SHANK2: variants seen among roughly 807,000 people sequenced by gnomAD.
SHANK2 encodes SH3 and multiple ankyrin repeat domains protein 2.
A neutral mutation model predicts 133.7 loss-of-function variants in SHANK2; 43 were observed. That is an observed-to-expected ratio of 0.32 (90% CI 0.25 to 0.41). The LOEUF (loss-of-function observed/expected upper bound fraction) is 0.41, where lower values mean the gene tolerates loss of function less well. SHANK2 is among the 10% of genes least tolerant of loss of function. The pLI, the probability that SHANK2 is intolerant of heterozygous loss-of-function variation, is 1.00. For missense variants in SHANK2, 1,994 were observed against 2,235.8 expected (o/e 0.89, Z 2.18); for synonymous variants, 1,017 against 952.8 (o/e 1.07, Z -1.24).
Position 70,569,080 on chromosome 11 carries a change from G to C in SHANK2, c.2062-66149C>G, listed in dbSNP as rs2060008815. On this transcript the variant is annotated intron_variant, in intron 17 of 25. Coordinates refer to ENST00000601538, the MANE Select transcript of SHANK2 (RefSeq NM_012309.5). The surrounding 1 kb of genome is among the most constrained non-coding windows in gnomAD (Gnocchi z 5.1). ...CCACTCCTGCCGCTGGACTTACAGT[G>C]AACGGAGCCAGGAAAGCGAATCTGC... Among the ~76,000 whole-genome samples, 1 of 152,214 alleles carries C rather than the reference G, an allele frequency of 6.6e-6. No individual in the cohort carries two copies. Among genetic ancestry groups the C allele is most frequent in the Admixed American group, 6.5e-5 (1 of 15,284 alleles).
chr11:70,902,659 AT>A (rs11462666), intron 10 of SHANK2, among the ~76,000 whole-genome samples: 2,020 of 152,096 alleles, frequency 0.013, 44 homozygotes, highest in African/African-American at 0.045. Context: ...GCACCACAGG[AT>A]TTTTTTTGTG....
chr11:71,147,486 G>C, intron 2 of SHANK2, 148 bp from the exon 3 acceptor site: 1 of 530,356 alleles, frequency 1.9e-6, no homozygotes, highest in Non-Finnish European at 3.1e-6. Flanking sequence ...GAGGGCCCCA[G>C]GTATGCACAA....
At chr11:70,852,849 T>C (rs1322270540) in intron 11 of SHANK2, among the ~76,000 whole-genome samples, 3 of 152,114 alleles carry the variant, frequency 2.0e-5, no homozygotes, top group African/African-American at 7.2e-5. Context: ...TCTCAATCAA[T>C]CAATCCACGA....
chr11:70,883,451 G>C (rs782473026), intron 11 of SHANK2, among the ~76,000 whole-genome samples: 1 of 152,300 alleles, frequency 6.6e-6, no homozygotes, highest in Non-Finnish European at 1.5e-5. Flanking sequence ...ATGGCACAAA[G>C]TCCTGGTCCA....
At chr11:70,786,411 T>C (rs1049197715) in intron 14 of SHANK2, among the ~76,000 whole-genome samples, 3 of 152,172 alleles carry the variant, frequency 2.0e-5, no homozygotes, top group Admixed American at 1.3e-4. Context: ...GCCTTGGTGG[T>C]GCTGGTGTTC....
At chr11:70,709,165 C>T (rs576656607) in intron 14 of SHANK2, among the ~76,000 whole-genome samples, 1 of 152,356 alleles carries the variant, frequency 6.6e-6, no homozygotes, top group Admixed American at 6.5e-5. Context: ...GAGCTGAGAT[C>T]ACATCACTGC....
chr11:70,771,846 C>A (rs1947257920), intron 14 of SHANK2, among the ~76,000 whole-genome samples: 1 of 152,230 alleles, frequency 6.6e-6, no homozygotes, highest in East Asian at 1.9e-4. Flanking sequence ...GCTGCCAGGA[C>A]TCCAGAATCT....
chr11:70,738,019 T>C (rs557335527), intron 14 of SHANK2, among the ~76,000 whole-genome samples: 1 of 152,330 alleles, frequency 6.6e-6, no homozygotes, highest in Non-Finnish European at 1.5e-5. Flanking sequence ...GGTGCCGGGC[T>C]CGGCAACTAC....
rs538488917 is a variant in SHANK2 at position 70,471,350 on chromosome 11, C to T, written c.*1519G>A. ...ATAATAAAACCAAAAACCTGACATT[C>T]GAGTATCCTCCAAATGGGGGAGAAT... On this transcript the variant is annotated 3_prime_UTR_variant, in exon 26 of 26. Transcript: ENST00000601538. This position sits in a 1 kb window ranked among gnomAD's most constrained non-coding sequence, Gnocchi z 4.1. The T allele has an allele frequency of 7.5e-6, 3 of 398,732 alleles. No homozygotes were observed. The highest frequency in any genetic ancestry group is 2.1e-5 in the African/African-American group (1 of 48,554). The allele number at this position is 398,732 out of a possible 1,614,324, so 24.7% of individuals were successfully genotyped here.
chr11:70,508,944 C>T (rs1554968870), intron 17 of SHANK2, among the ~76,000 whole-genome samples: 1 of 152,086 alleles, frequency 6.6e-6, no homozygotes, highest in Non-Finnish European at 1.5e-5. Flanking sequence ...AGGGAGAAGG[C>T]GCCATGAAGG....
chr11:70,490,442 G>T (rs560460138), intron 22 of SHANK2, 55 bp from the exon 23 acceptor site: 38 of 1,446,916 alleles, frequency 2.6e-5, no homozygotes, highest in Non-Finnish European at 3.7e-5. Context: ...CCCACCCACG[G>T]TCACAGGGCC....
intron 1 of SHANK2, among the ~76,000 whole-genome samples, chr11:71,227,614 T>G (rs1275958820): frequency 3.3e-5 from 5 of 151,858 alleles, no homozygotes; most frequent in African/African-American, 1.2e-4. Context: ...CACTTATAAC[T>G]GAATACAACT....
chr11:70,953,103 A>C (rs1220178452), intron 10 of SHANK2, among the ~76,000 whole-genome samples: 2 of 152,062 alleles, frequency 1.3e-5, no homozygotes, highest in East Asian at 3.9e-4. Flanking sequence ...TGGCTTACCC[A>C]GTGCTACACT....
chr11:70,755,895 T>C (rs181108316), intron 14 of SHANK2, among the ~76,000 whole-genome samples: 1 of 152,182 alleles, frequency 6.6e-6, no homozygotes, highest in African/African-American at 2.4e-5. Flanking sequence ...TTTATTTCCA[T>C]CTTACAGGAT....
At chr11:70,778,790 G>C (rs558679516) in intron 14 of SHANK2, among the ~76,000 whole-genome samples, 1 of 152,236 alleles carries the variant, frequency 6.6e-6, no homozygotes, top group East Asian at 1.9e-4. Flanking sequence ...GACTAATATA[G>C]ACTCTTCCCT....
In SHANK2 at chr11:71,113,301, G is replaced by A; in HGVS notation, c.475C>T (p.His159Tyr). ...GCCCGTTCCCTGCATACCTTCGTGT[G>A]GAGCTTGGCCAACTGTTTCTCATCG... The part of the protein sequence containing the change: ...SLDEKQLAKL[H>Y]TKTNLKKCMD... Residue 159 changes from histidine (H) to tyrosine (Y), a missense_variant, in exon 5 of 26, where the codon CAC (histidine) becomes TAC (tyrosine). His to Tyr is a moderately conservative substitution (Grantham distance 83). Transcript: ENST00000601538. 3 of 1,551,646 alleles carry A rather than the reference G, an allele frequency of 1.9e-6. No individual in the cohort carries two copies. Among genetic ancestry groups the A allele is most frequent in the South Asian group, 1.2e-5 (1 of 84,052 alleles).
chr11:71,144,880 C>T (rs1246293543), intron 3 of SHANK2, among the ~76,000 whole-genome samples: 1 of 152,214 alleles, frequency 6.6e-6, no homozygotes, highest in African/African-American at 2.4e-5. Flanking sequence ...TGAGCCCACG[C>T]TTACCAAGGT....
intron 11 of SHANK2, among the ~76,000 whole-genome samples, chr11:70,865,896 T>C (rs1447519355): frequency 5.9e-5 from 9 of 152,188 alleles, no homozygotes; most frequent in Non-Finnish European, 8.8e-5. Flanking sequence ...ATGCCCACAG[T>C]GCTGCCCTTC....
chr11:71,135,306 C>G (rs1235938867), intron 3 of SHANK2, among the ~76,000 whole-genome samples: 2 of 152,132 alleles, frequency 1.3e-5, no homozygotes, highest in African/African-American at 4.8e-5. Context: ...AGAGCCTGCA[C>G]TAGGTGTCCT....
Sources: allele counts gnomAD v4.1 joint callset (sites outside exome capture counted in the v4.1 genomes callset), GRCh38; gene constraint gnomAD v4.1.1; non-coding constraint Gnocchi (gnomAD v3.1); transcripts MANE v1.5; gene names NCBI Gene and HGNC (gene_info 2026-07-23, HGNC 2026-07-21).